KCNIP4: variants seen among roughly 807,000 people sequenced by gnomAD.
The protein encoded by KCNIP4 is Kv channel-interacting protein 4.
KCNIP4 carries 12 observed loss-of-function variants against 34.0 expected under a neutral mutation model. The ratio of observed to expected loss-of-function variants is 0.35; its 90% CI spans 0.23 to 0.57. The LOEUF (loss-of-function observed/expected upper bound fraction) is 0.57, where lower values mean the gene tolerates loss of function less well. Among genes scored for constraint, KCNIP4 ranks in the 20% least tolerant of loss-of-function variants. The pLI is 0.83. For synonymous variants in KCNIP4, 124 were observed against 102.2 expected (o/e 1.21, Z -1.29); for missense variants, 238 against 311.7 (o/e 0.76, Z 1.78).
chr4:20,771,034 G>T (rs375809918), intron 3 of KCNIP4, among the ~76,000 whole-genome samples: 5 of 152,118 alleles, frequency 3.3e-5, no homozygotes, highest in African/African-American at 1.2e-4. Flanking sequence ...ATCTAGAGAT[G>T]ATTTAAAGTA....
At chr4:21,822,600 T>C (rs1036301719) in intron 1 of KCNIP4, among the ~76,000 whole-genome samples, 4 of 152,106 alleles carry the variant, frequency 2.6e-5, no homozygotes, top group African/African-American at 7.2e-5. Flanking sequence ...GAAGGGATTA[T>C]AAAGCGGTAG....
chr4:21,553,070 A>T (rs1738707784), intron 1 of KCNIP4, among the ~76,000 whole-genome samples: 1 of 151,866 alleles, frequency 6.6e-6, no homozygotes, highest in Non-Finnish European at 1.5e-5. Flanking sequence ...GGGTGAAGAA[A>T]GCACAGATGA....
chr4:21,745,980 C>T (rs1038172958), intron 1 of KCNIP4, among the ~76,000 whole-genome samples: 1 of 152,128 alleles, frequency 6.6e-6, no homozygotes, highest in Non-Finnish European at 1.5e-5. Context: ...TATTTTCTCG[C>T]AGATCTGGAG....
intron 1 of KCNIP4, among the ~76,000 whole-genome samples, chr4:21,117,308 G>GC (rs1452284226): frequency 1.6e-5 from 1 of 64,238 alleles, no homozygotes; most frequent in Non-Finnish European, 2.7e-5. Flanking sequence ...GCCGGGGGGG[G>GC]GGGGGGGGGG....
chr4:21,000,293 A>G (rs1738001304), intron 1 of KCNIP4, among the ~76,000 whole-genome samples: 1 of 152,008 alleles, frequency 6.6e-6, no homozygotes, highest in South Asian at 2.1e-4. Context: ...TTGTCTCCCC[A>G]TATTCTATTC....
chr4:21,483,620 T>C (rs1385914407), intron 1 of KCNIP4, among the ~76,000 whole-genome samples: 1 of 151,786 alleles, frequency 6.6e-6, no homozygotes, highest in Admixed American at 6.6e-5. Context: ...AAACCCCATC[T>C]CTACTAAAAA....
At chr4:20,782,169 C>T (rs1039238920) in intron 3 of KCNIP4, among the ~76,000 whole-genome samples, 2 of 152,128 alleles carry the variant, frequency 1.3e-5, no homozygotes, top group Admixed American at 6.5e-5. Context: ...AAGCTCTGCC[C>T]CTGTGGCTTT....
intron 1 of KCNIP4, among the ~76,000 whole-genome samples, chr4:21,540,891 C>A (rs1737626324): frequency 6.6e-6 from 1 of 151,974 alleles, no homozygotes; most frequent in Non-Finnish European, 1.5e-5. Flanking sequence ...AGAGATGAGG[C>A]CTGGCACGGT....
intron 1 of KCNIP4, among the ~76,000 whole-genome samples, chr4:20,999,249 G>T (rs1370625871): frequency 6.6e-6 from 1 of 152,130 alleles, no homozygotes; most frequent in African/African-American, 2.4e-5. Context: ...ACATAGGCAA[G>T]AGCTCAGTTT....
At chr4:21,707,542 G>A (rs1226201467) in intron 1 of KCNIP4, among the ~76,000 whole-genome samples, 1 of 152,062 alleles carries the variant, frequency 6.6e-6, no homozygotes, top group Non-Finnish European at 1.5e-5. Context: ...GCACCAGGTA[G>A]AGGTAAGGCT....
intron 1 of KCNIP4, among the ~76,000 whole-genome samples, chr4:21,331,470 A>G (rs946900021): frequency 6.6e-6 from 1 of 152,132 alleles, no homozygotes; most frequent in Non-Finnish European, 1.5e-5. Context: ...TTTTGACAAC[A>G]TGAAATCTAT....
chr4:21,417,696 G>T (rs767376345), intron 1 of KCNIP4, among the ~76,000 whole-genome samples: 1 of 152,152 alleles, frequency 6.6e-6, no homozygotes, highest in African/African-American at 2.4e-5. Context: ...GAGATGTCAT[G>T]AAGTAGTCCT....
intron 1 of KCNIP4, among the ~76,000 whole-genome samples, chr4:20,987,540 A>C (rs1305001307): frequency 6.6e-6 from 1 of 152,172 alleles, no homozygotes; most frequent in Non-Finnish European, 1.5e-5. Context: ...TGTTATTATC[A>C]CTATTTCAAA....
chr4:21,640,999 T>C (rs1286293000), intron 1 of KCNIP4, among the ~76,000 whole-genome samples: 1 of 152,238 alleles, frequency 6.6e-6, no homozygotes, highest in African/African-American at 2.4e-5. Context: ...TTTGGTCTAC[T>C]ACTGAGCTAA....
At chr4:21,806,843 A>C (rs569112773) in intron 1 of KCNIP4, among the ~76,000 whole-genome samples, 3 of 152,310 alleles carry the variant, frequency 2.0e-5, no homozygotes, top group Non-Finnish European at 4.4e-5. Context: ...GGTTTAGTGG[A>C]ATACAGTTTT....
chr4:21,221,435 G>A (rs1242927102), intron 1 of KCNIP4, among the ~76,000 whole-genome samples: 1 of 152,100 alleles, frequency 6.6e-6, no homozygotes, highest in Non-Finnish European at 1.5e-5. Flanking sequence ...CAATCATGGT[G>A]GAAGGGGAAG....
rs186037275 is a variant in KCNIP4 at position 21,545,673 on chromosome 4, T to A, written c.61+402898A>T. Among the ~76,000 whole-genome samples, 73 of 152,286 alleles carry A rather than the reference T, an allele frequency of 4.8e-4. No individual in the cohort carries two copies. In the East Asian group the frequency reaches 8.3e-3, roughly 17 times the overall value. On this transcript the variant is annotated intron_variant, in intron 1 of 8. Transcript: ENST00000382152. ...TCCTGTGTTAGTTTGCTGAGAATGA[T>A]GGTTTCCAGCTTCATCCATATCCCT...
intron 1 of KCNIP4, among the ~76,000 whole-genome samples, chr4:21,021,848 A>AAGTATAGTAT (rs1209181829): frequency 6.0e-5 from 8 of 134,396 alleles, no homozygotes; most frequent in Admixed American, 1.6e-4. Flanking sequence ...TAATAATGAA[A>AAGTATAGTAT]AGTATAGTAT....
chr4:21,773,745 G>GTTTTGTTTTTTTTTT (rs1718971393), intron 1 of KCNIP4, among the ~76,000 whole-genome samples: 1 of 115,424 alleles, frequency 8.7e-6, no homozygotes, highest in African/African-American at 5.4e-5. Flanking sequence ...TTTTTTTGTT[G>GTTTTGTTTTTTTTTT]TTTTTTTTTT....
Sources: allele counts gnomAD v4.1 joint callset (sites outside exome capture counted in the v4.1 genomes callset), GRCh38; gene constraint gnomAD v4.1.1; transcripts MANE v1.5; gene names NCBI Gene and HGNC (gene_info 2026-07-23, HGNC 2026-07-21).